FAM149A: variants seen among roughly 807,000 people sequenced by gnomAD.
FAM149A encodes the protein protein FAM149A.
Under a neutral mutation model 78.2 loss-of-function variants are expected in FAM149A, and 71 were observed. The ratio of observed to expected loss-of-function variants is 0.91; its 90% CI spans 0.75 to 1.11. FAM149A has a LOEUF of 1.11. Ranked by LOEUF, FAM149A falls within the 50% of genes least tolerant of loss-of-function variation. The pLI is 0.00. For synonymous variants in FAM149A, 446 were observed against 410.5 expected, an observed-to-expected ratio of 1.09 and a Z score of -1.04; for missense variants, 1,036 against 971.0, an observed-to-expected ratio of 1.07 and a Z score of -0.89.
At chr4:186,139,299 C>T (rs2099324824) in intron 1 of FAM149A, among the ~76,000 whole-genome samples, 1 of 152,166 alleles carries the variant, frequency 6.6e-6, no homozygotes, top group South Asian at 2.1e-4. Context: ...GCCCTGGTCC[C>T]TCTATTGGAG....
At chr4:186,162,779 G>C in intron 8 of FAM149A, 66 bp from the exon 9 acceptor site, 2 of 829,670 alleles carry the variant, frequency 2.4e-6, no homozygotes, top group Admixed American at 2.4e-5. Flanking sequence ...ACAAGCATCA[G>C]TCATTGGAAC....
At chr4:186,158,090 C>T in intron 8 of FAM149A, 1 of 1,345,584 alleles carries the variant, frequency 7.4e-7, no homozygotes, top group South Asian at 1.2e-5. Context: ...CAGCTCGTGC[C>T]ATTGTTGCTG....
chr4:186,124,437 C>T (rs1262457716), intron 1 of FAM149A, among the ~76,000 whole-genome samples: 11 of 151,322 alleles, frequency 7.3e-5, no homozygotes, highest in East Asian at 2.0e-4. Flanking sequence ...CAACAGGCCC[C>T]GGTGTGTGAT....
chr4:186,137,049 T>G (rs999891567), intron 1 of FAM149A, among the ~76,000 whole-genome samples: 3 of 147,798 alleles, frequency 2.0e-5, no homozygotes, highest in Non-Finnish European at 3.0e-5. Flanking sequence ...TGGTGTGTGG[T>G]ACATATTCAG....
At chr4:186,149,031 T>TGTGTGCGC (rs776191178) in intron 1 of FAM149A, 142 bp from the exon 2 acceptor site, 10,396 of 337,532 alleles carry the variant, frequency 0.031, 325 homozygotes, top group African/African-American at 0.099. Context: ...TGTGTGTGTG[T>TGTGTGCGC]GCGCTCATGC....
At chr4:186,169,974 C>T (rs898305650) in intron 13 of FAM149A, 1 of 974,034 alleles carries the variant, frequency 1.0e-6, no homozygotes, top group African/African-American at 1.8e-5. Context: ...AAAATATTTC[C>T]CCTCCTTAAC....
intron 1 of FAM149A, chr4:186,146,413 C>T: frequency 1.0e-6 from 1 of 975,954 alleles, no homozygotes; most frequent in Non-Finnish European, 1.2e-6. Flanking sequence ...GGGCTCAGCT[C>T]TGCGTCCAAG....
chr4:186,146,851 A>G, intron 1 of FAM149A: 1 of 985,438 alleles, frequency 1.0e-6, no homozygotes, highest in Non-Finnish European at 1.2e-6. Flanking sequence ...GTAATTCTGT[A>G]GTGAAAATGA....
At chr4:186,116,615 G>A (rs903493618) in intron 1 of FAM149A, 1 of 972,954 alleles carries the variant, frequency 1.0e-6, no homozygotes, top group African/African-American at 1.8e-5. Context: ...TTTAATTTGA[G>A]ACAGAGTCTC....
At chr4:186,123,477 T>TA in intron 1 of FAM149A, 10 of 625,118 alleles carry the variant, frequency 1.6e-5, no homozygotes, top group Non-Finnish European at 2.0e-5. Context: ...TCTTTATTAA[T>TA]AAGGGCCATT....
intron 1 of FAM149A, among the ~76,000 whole-genome samples, chr4:186,136,996 C>CTCTCTCTCTCTCTT (rs2099323517): frequency 7.2e-6 from 1 of 139,072 alleles, no homozygotes; most frequent in African/African-American, 2.7e-5. Flanking sequence ...CTCTCTCTCT[C>CTCTCTCTCTCTCTT]TCTCTCTCTC....
chr4:186,155,075 C>T (rs1202359265), intron 6 of FAM149A: 2 of 291,852 alleles, frequency 6.9e-6, no homozygotes, highest in South Asian at 1.3e-4. Flanking sequence ...CCATTCTCCT[C>T]CCTCAGCCTC....
In FAM149A at chr4:186,172,005, C is replaced by A. The variant is rs1735578622; in HGVS notation, c.*18C>A. ...CATCTTGAAACCACCTCACCAGAAC[C>A]ATTGGAGCACCTGTGGCCTCGGCAC... On this transcript the variant is annotated 3_prime_UTR_variant, in exon 14 of 14. Coordinates refer to ENST00000389354, the MANE Select transcript of FAM149A (RefSeq NM_001367768.3). The A allele has an allele frequency of 6.2e-7, 1 of 1,608,358 alleles. No individual in the cohort carries two copies. Among genetic ancestry groups the A allele is most frequent in the Non-Finnish European group, 8.5e-7 (1 of 1,177,536 alleles).
At chr4:186,171,848 C>G (rs1735562223) in intron 13 of FAM149A, 66 bp from the exon 14 acceptor site, 12 of 1,332,986 alleles carry the variant, frequency 9.0e-6, no homozygotes, top group Non-Finnish European at 1.2e-5. Flanking sequence ...GTGTACAAAA[C>G]AATCGTTCTG....
chr4:186,136,960 CTCTT>C lies in FAM149A; in HGVS notation c.567-12209_567-12206del, dbSNP rs1323485401. Among the ~76,000 whole-genome samples the C allele has an allele frequency of 2.5e-3, 259 of 102,600 alleles. 3 individuals are homozygous for C. The highest frequency in any genetic ancestry group is 8.3e-3 in the African/African-American group (191 of 22,884). The allele number at this position is 102,600 out of a possible 152,430, so 67.3% of individuals were successfully genotyped here. ...GATCTCTCTCTCTCTCTCTCTCTCT[CTCTT>C]TCTCTCTCTCTTTCTCTCTCTCTCT... On this transcript the variant is annotated intron_variant, in intron 1 of 13. Transcript: ENST00000389354.
intron 2 of FAM149A, 89 bp from the exon 3 acceptor site, chr4:186,149,477 A>G (rs935079066): frequency 8.3e-7 from 1 of 1,205,632 alleles, no homozygotes; most frequent in African/African-American, 1.6e-5. Context: ...AATGAAAGAA[A>G]GAGGAAGCAG....
At chr4:186,131,947 T>A (rs2099320904) in intron 1 of FAM149A, 1 of 985,358 alleles carries the variant, frequency 1.0e-6, no homozygotes, top group African/African-American at 1.7e-5. Context: ...CCTTTAACTG[T>A]AGTTAATTGT....
chr4:186,172,058 A>C lies in FAM149A; in HGVS notation c.*71A>C. On this transcript the variant is annotated 3_prime_UTR_variant, in exon 14 of 14. Transcript: ENST00000389354. ...TGCTTATCACTTGAAAAATGGAGGA[A>C]CAAGTGTTATATTTATCTGTGTGTC... The C allele has an allele frequency of 6.4e-7, 1 of 1,574,746 alleles. No individual in the cohort carries two copies. Among genetic ancestry groups the C allele is most frequent in the South Asian group, 1.2e-5 (1 of 83,682 alleles).
intron 4 of FAM149A, among the ~76,000 whole-genome samples, chr4:186,152,387 C>T (rs1733651589): frequency 1.3e-5 from 2 of 152,082 alleles, no homozygotes; most frequent in Non-Finnish European, 1.5e-5. Flanking sequence ...CAGAACACAG[C>T]GAGGGTGGGC....
Sources: gnomAD v4.1 joint callset for allele counts (sites outside exome capture counted in the v4.1 genomes callset) on GRCh38, gnomAD v4.1.1 for gene constraint, MANE v1.5 for transcripts, NCBI Gene and HGNC (gene_info 2026-07-23, HGNC 2026-07-21) for gene names.